The following DLG2 variants were observed in gnomAD, a reference collection of about 807,000 sequenced individuals.
DLG2 encodes the protein disks large homolog 2.
DLG2 carries 45 observed loss-of-function variants against 132.5 expected under a neutral mutation model. The ratio of observed to expected loss-of-function variants is 0.34; its 90% CI spans 0.27 to 0.44. The LOEUF (loss-of-function observed/expected upper bound fraction) is 0.44. Among genes scored for constraint, DLG2 ranks in the 20% least tolerant of loss-of-function variants. The pLI, the probability that DLG2 is intolerant of heterozygous loss-of-function variation, is 1.00. For missense variants in DLG2, 1,045 were observed against 1,196.9 expected (o/e 0.87, Z 1.87); for synonymous variants, 424 against 419.6 (o/e 1.01, Z -0.13).
At chr11:85,181,048 TAATA>T (rs1337260217) in intron 4 of DLG2, among the ~76,000 whole-genome samples, 1 of 151,764 alleles carries the variant, frequency 6.6e-6, no homozygotes, top group Non-Finnish European at 1.5e-5. Flanking sequence ...GTTTATTATT[TAATA>T]TTCTTCAAGA....
chr11:84,722,409 A>C (rs1302185721), intron 6 of DLG2, among the ~76,000 whole-genome samples: 1 of 152,204 alleles, frequency 6.6e-6, no homozygotes, highest in Non-Finnish European at 1.5e-5. Context: ...TGTATTGGTT[A>C]GAACAAAAGA....
intron 4 of DLG2, among the ~76,000 whole-genome samples, chr11:85,187,277 G>C (rs771424047): frequency 6.6e-6 from 1 of 151,986 alleles, no homozygotes; most frequent in African/African-American, 2.4e-5. Flanking sequence ...TGAGAATATG[G>C]TGATTACTCT....
intron 8 of DLG2, among the ~76,000 whole-genome samples, chr11:84,215,298 G>T (rs1046250536): frequency 6.6e-6 from 1 of 152,166 alleles, no homozygotes; most frequent in Non-Finnish European, 1.5e-5. Context: ...GCTACATAAT[G>T]AAGGATAATC....
chr11:85,006,312 C>T (rs1023525015), intron 6 of DLG2, among the ~76,000 whole-genome samples: 1 of 152,166 alleles, frequency 6.6e-6, no homozygotes, highest in Non-Finnish European at 1.5e-5. Flanking sequence ...TTACCAGCTC[C>T]TCTTTGTACC....
chr11:85,070,634 C>G (rs770115928), intron 6 of DLG2, among the ~76,000 whole-genome samples: 71 of 151,778 alleles, frequency 4.7e-4, no homozygotes, highest in Non-Finnish European at 7.8e-4. Context: ...TAGCCTGTAT[C>G]TAGGTACTGG....
At chr11:84,714,217 A>G (rs1596330696) in intron 6 of DLG2, among the ~76,000 whole-genome samples, 1 of 152,054 alleles carries the variant, frequency 6.6e-6, no homozygotes. Context: ...ACCTTTGGCA[A>G]TATTCAAAAT....
intron 12 of DLG2, among the ~76,000 whole-genome samples, chr11:83,975,817 A>G (rs1343071347): frequency 6.6e-6 from 1 of 151,982 alleles, no homozygotes; most frequent in Non-Finnish European, 1.5e-5. Context: ...TTTTCAAGTG[A>G]CAGAGCTATG....
At chr11:84,616,830 G>A (rs1426310460) in intron 6 of DLG2, among the ~76,000 whole-genome samples, 1 of 151,956 alleles carries the variant, frequency 6.6e-6, no homozygotes, top group Non-Finnish European at 1.5e-5. Context: ...TTTTATTATT[G>A]TTAGTCTCAT....
intron 11 of DLG2, among the ~76,000 whole-genome samples, chr11:84,033,924 A>G (rs1267822829): frequency 6.6e-6 from 1 of 150,918 alleles, no homozygotes; most frequent in African/African-American, 2.4e-5. Flanking sequence ...ACAAACAAAC[A>G]AAAACAGTTA....
intron 9 of DLG2, among the ~76,000 whole-genome samples, chr11:84,108,122 A>C (rs2093095170): frequency 6.6e-6 from 1 of 152,184 alleles, no homozygotes; most frequent in Non-Finnish European, 1.5e-5. Flanking sequence ...GACTGGAAGA[A>C]CAGAAGAGGG....
intron 6 of DLG2, among the ~76,000 whole-genome samples, chr11:84,572,109 G>A (rs560457329): frequency 3.6e-4 from 55 of 151,454 alleles, no homozygotes; most frequent in African/African-American, 1.3e-3. Flanking sequence ...GGGTACATGT[G>A]CACAAAGTGC....
intron 11 of DLG2, among the ~76,000 whole-genome samples, chr11:83,997,567 A>T (rs1300975964): frequency 6.6e-6 from 1 of 151,170 alleles, no homozygotes; most frequent in Non-Finnish European, 1.5e-5. Context: ...CATCTCTACT[A>T]AAAATACAAA....
chr11:83,742,914 A>T (rs1055723405), intron 18 of DLG2, among the ~76,000 whole-genome samples: 13 of 152,240 alleles, frequency 8.5e-5, no homozygotes, highest in African/African-American at 2.4e-4. Flanking sequence ...AAATGAAGAC[A>T]TCTCTATTGC....
intron 2 of DLG2, among the ~76,000 whole-genome samples, chr11:85,620,769 G>T (rs561563944): frequency 6.6e-6 from 1 of 152,198 alleles, no homozygotes; most frequent in Non-Finnish European, 1.5e-5. Flanking sequence ...AGCCAGCAAA[G>T]GTTGGTTCAT....
intron 6 of DLG2, among the ~76,000 whole-genome samples, chr11:84,848,069 C>T (rs186525478): frequency 5.9e-5 from 9 of 152,214 alleles, no homozygotes; most frequent in Admixed American, 2.0e-4. Context: ...GAGCCAGAAG[C>T]CCAGAGAACA....
chr11:85,549,565 G>A (rs2076543187), intron 3 of DLG2, among the ~76,000 whole-genome samples: 2 of 152,186 alleles, frequency 1.3e-5, no homozygotes, highest in South Asian at 4.1e-4. Flanking sequence ...TTGAGCCAGA[G>A]CAACTCCATC....
chr11:85,518,568 C>A (rs368944351), intron 3 of DLG2, among the ~76,000 whole-genome samples: 3 of 152,146 alleles, frequency 2.0e-5, no homozygotes, highest in Non-Finnish European at 4.4e-5. Context: ...GGAAGCAGAG[C>A]ACAAAAGTTT....
At chr11:85,491,266 C>T (rs1225656930) in intron 3 of DLG2, among the ~76,000 whole-genome samples, 2 of 151,986 alleles carry the variant, frequency 1.3e-5, no homozygotes, top group African/African-American at 4.8e-5. Context: ...AAGAAGCATA[C>T]TTCAAAATAG....
At chr11:85,390,040 G>C (rs1257675323) in intron 3 of DLG2, among the ~76,000 whole-genome samples, 4 of 152,032 alleles carry the variant, frequency 2.6e-5, no homozygotes, top group African/African-American at 4.8e-5. Flanking sequence ...TGGCCTAAAT[G>C]CTCCACTTAA....
Sources: gnomAD v4.1 joint callset for allele counts (sites outside exome capture counted in the v4.1 genomes callset) on GRCh38, gnomAD v4.1.1 for gene constraint, MANE v1.5 for transcripts, NCBI Gene and HGNC (gene_info 2026-07-23, HGNC 2026-07-21) for gene names.